Variants in DPP10 observed in about 807,000 individuals in gnomAD.
DPP10 encodes the protein dipeptidyl peptidase like 10.
A neutral mutation model predicts 120.9 loss-of-function variants in DPP10; 33 were observed. That is an observed-to-expected ratio of 0.27 (90% confidence interval 0.21 to 0.37). The LOEUF is 0.37. DPP10 is among the 10% of genes least tolerant of loss of function. The pLI is 1.00. For synonymous variants in DPP10, 337 were observed against 326.1 expected, an observed-to-expected ratio of 1.03 and a Z score of -0.36; for missense variants, 816 against 942.8, an observed-to-expected ratio of 0.87 and a Z score of 1.76.
At chr2:114,870,004 A>G (rs1024288488) in intron 1 of DPP10, among the ~76,000 whole-genome samples, 7 of 152,210 alleles carry the variant, frequency 4.6e-5, no homozygotes, top group Admixed American at 3.3e-4. Flanking sequence ...AAAGAGTCAC[A>G]GTTATATAAG....
chr2:115,477,097 G>A (rs950857951), intron 3 of DPP10, among the ~76,000 whole-genome samples: 1 of 152,064 alleles, frequency 6.6e-6, no homozygotes, highest in East Asian at 1.9e-4. Context: ...TGTCCTTGAA[G>A]ATCAGAAAAA....
chr2:115,235,405 A>G (rs1285495013), intron 1 of DPP10, among the ~76,000 whole-genome samples: 2 of 152,238 alleles, frequency 1.3e-5, no homozygotes, highest in African/African-American at 4.8e-5. Context: ...AGAACTAAAG[A>G]TAGGCAATTA....
At chr2:115,127,201 G>A (rs1017652511) in intron 1 of DPP10, among the ~76,000 whole-genome samples, 5 of 152,174 alleles carry the variant, frequency 3.3e-5, no homozygotes, top group Admixed American at 6.5e-5. Flanking sequence ...GTAAGAACTA[G>A]AGAAAAACTG....
chr2:114,770,194 C>T (rs2106146049), intron 1 of DPP10, among the ~76,000 whole-genome samples: 2 of 152,220 alleles, frequency 1.3e-5, no homozygotes, highest in African/African-American at 4.8e-5. Flanking sequence ...GGAAGCATTC[C>T]TGCCTCTCTG....
chr2:115,074,413 G>T (rs912332205), intron 1 of DPP10, among the ~76,000 whole-genome samples: 5 of 152,088 alleles, frequency 3.3e-5, no homozygotes, highest in African/African-American at 1.2e-4. Flanking sequence ...TTCCAAAGAT[G>T]CTGCACTGAA....
At chr2:115,020,915 T>C (rs534096617) in intron 1 of DPP10, among the ~76,000 whole-genome samples, 1 of 152,262 alleles carries the variant, frequency 6.6e-6, no homozygotes, top group Non-Finnish European at 1.5e-5. Context: ...TGCTCCTGAA[T>C]GATTCTTGGG....
At chr2:115,766,038 T>C (rs1424685993) in intron 12 of DPP10, among the ~76,000 whole-genome samples, 1 of 151,920 alleles carries the variant, frequency 6.6e-6, no homozygotes, top group East Asian at 1.9e-4. Context: ...AGTAAATAAT[T>C]ATTGAGCTCA....
chr2:115,524,447 G>A (rs2078007395), intron 4 of DPP10, among the ~76,000 whole-genome samples: 4 of 152,112 alleles, frequency 2.6e-5, no homozygotes. Context: ...CAGCACAGGA[G>A]GCTCTTTCTC....
rs775556720 is a variant in DPP10 at position 115,836,308 on chromosome 2, C to A, written c.2050+52C>A. ...GTATAATGTATTGATTTGTAGAAAA[C>A]GAAAGCCCAATTTAGAATAGCTCAA... On this transcript the variant is annotated intron_variant, in intron 22 of 25. Transcript: ENST00000410059. 7 of 1,523,620 alleles carry A rather than the reference C, an allele frequency of 4.6e-6. No individual in the cohort carries two copies. The African/African-American group carries it at 9.8e-5, about 21-fold the overall frequency. The allele number at this position is 1,523,620 out of a possible 1,614,324, so 94.4% of individuals were successfully genotyped here.
At chr2:115,472,623 G>A (rs2074805146) in intron 3 of DPP10, among the ~76,000 whole-genome samples, 1 of 152,104 alleles carries the variant, frequency 6.6e-6, no homozygotes, top group South Asian at 2.1e-4. Flanking sequence ...CTTAATTACA[G>A]CACCCCTCTT....
chr2:115,468,963 T>A (rs1478198986), intron 3 of DPP10: 1 of 234,366 alleles, frequency 4.3e-6, no homozygotes. Flanking sequence ...GATACTTTTT[T>A]TTTTTTTTTC....
At chr2:114,965,325 CG>C (rs200609426) in intron 1 of DPP10, among the ~76,000 whole-genome samples, 2,329 of 151,910 alleles carry the variant, frequency 0.015, 63 homozygotes, top group African/African-American at 0.053. Context: ...TTAGTAGGGA[CG>C]GGGTTTCACC....
chr2:115,629,044 C>G (rs2085611426), intron 5 of DPP10, among the ~76,000 whole-genome samples: 1 of 152,074 alleles, frequency 6.6e-6, no homozygotes, highest in African/African-American at 2.4e-5. Context: ...CAATTCCCAC[C>G]TATGAGTGAG....
intron 17 of DPP10, 127 bp from the exon 18 acceptor site, chr2:115,790,954 A>G: frequency 1.8e-6 from 1 of 559,570 alleles, no homozygotes; most frequent in Non-Finnish European, 3.1e-6. Flanking sequence ...AATTCAAAAG[A>G]GAAATGATGA....
At chr2:114,902,937 A>G (rs1693694994) in intron 1 of DPP10, among the ~76,000 whole-genome samples, 1 of 152,318 alleles carries the variant, frequency 6.6e-6, no homozygotes, top group South Asian at 2.1e-4. Context: ...CCTAAAAATC[A>G]TCTGTGTTCC....
At chr2:115,730,510 A>G (rs927503650) in intron 8 of DPP10, among the ~76,000 whole-genome samples, 2 of 152,178 alleles carry the variant, frequency 1.3e-5, no homozygotes, top group Non-Finnish European at 2.9e-5. Context: ...TGTAACGTCG[A>G]TGAAGTTTTC....
intron 1 of DPP10, among the ~76,000 whole-genome samples, chr2:114,836,018 G>C (rs1382399889): frequency 6.6e-6 from 1 of 152,126 alleles, no homozygotes; most frequent in Non-Finnish European, 1.5e-5. Context: ...CAAGTCACCT[G>C]TGGATGTTAT....
intron 1 of DPP10, among the ~76,000 whole-genome samples, chr2:114,803,848 G>A (rs1684483930): frequency 6.6e-6 from 1 of 152,208 alleles, no homozygotes; most frequent in South Asian, 2.1e-4. Context: ...TTTCTGGGGA[G>A]AAATTCAAGC....
At chr2:115,397,314 A>G (rs2067752881) in intron 3 of DPP10, among the ~76,000 whole-genome samples, 2 of 152,338 alleles carry the variant, frequency 1.3e-5, no homozygotes, top group South Asian at 4.1e-4. Flanking sequence ...TTAAAAACCT[A>G]GGCATTGTTA....
Sources: allele counts gnomAD v4.1 joint callset (sites outside exome capture counted in the v4.1 genomes callset), GRCh38; gene constraint gnomAD v4.1.1; transcripts MANE v1.5; gene names NCBI Gene and HGNC (gene_info 2026-07-23, HGNC 2026-07-21).